Variants in TMEM178B observed in about 807,000 individuals in gnomAD.
TMEM178B encodes the protein transmembrane protein 178B.
In TMEM178B, 5 loss-of-function variants were observed where a neutral mutation model predicts 31.0. That is an observed-to-expected ratio of 0.16 (90% confidence interval 0.08 to 0.34). The LOEUF (loss-of-function observed/expected upper bound fraction) is 0.34, where lower values mean the gene tolerates loss of function less well. Among genes scored for constraint, TMEM178B ranks in the 10% least tolerant of loss-of-function variants. The probability of loss-of-function intolerance (pLI) is 1.00; values close to 1 mark genes in which losing one functional copy is unlikely to be tolerated. For missense variants in TMEM178B, 275 were observed against 400.3 expected (o/e 0.69, Z 2.67); for synonymous variants, 164 against 164.0 (o/e 1.00, Z 0.00).
chr7:141,338,468 G>C (rs1161305903), intron 2 of TMEM178B, among the ~76,000 whole-genome samples: 4 of 152,172 alleles, frequency 2.6e-5, no homozygotes, highest in Admixed American at 2.0e-4. Context: ...AAATAGTTAA[G>C]AATGAAAACG....
At chr7:141,386,578 T>C (rs1008672735) in intron 2 of TMEM178B, among the ~76,000 whole-genome samples, 4 of 152,188 alleles carry the variant, frequency 2.6e-5, no homozygotes, top group African/African-American at 9.7e-5. Flanking sequence ...ATTTAGTGTA[T>C]CCATTACCTC....
At chr7:141,212,816 G>A in intron 2 of TMEM178B, 112 bp downstream of exon 2, 1 of 833,892 alleles carries the variant, frequency 1.2e-6, no homozygotes, top group Non-Finnish European at 1.9e-6. Flanking sequence ...TCAGAACATT[G>A]AGATGGTTCC....
At chr7:141,296,008 A>G (rs1189471996) in intron 2 of TMEM178B, among the ~76,000 whole-genome samples, 1 of 152,092 alleles carries the variant, frequency 6.6e-6, no homozygotes, top group Non-Finnish European at 1.5e-5. Flanking sequence ...GTTTCCAAAG[A>G]TGCAGAAAAA....
chr7:141,151,139 A>C (rs1795966804), intron 1 of TMEM178B, among the ~76,000 whole-genome samples: 1 of 152,176 alleles, frequency 6.6e-6, no homozygotes, highest in South Asian at 2.1e-4. Flanking sequence ...TGGGACGAAC[A>C]CTCAAAATAC....
At chr7:141,208,256 C>T (rs1227726804) in intron 1 of TMEM178B, among the ~76,000 whole-genome samples, 1 of 152,092 alleles carries the variant, frequency 6.6e-6, no homozygotes, top group East Asian at 1.9e-4. Context: ...GGAGCCACCC[C>T]TGGGATCTCA....
At chr7:141,201,090 A>G (rs1388520877) in intron 1 of TMEM178B, among the ~76,000 whole-genome samples, 1 of 152,316 alleles carries the variant, frequency 6.6e-6, no homozygotes, top group East Asian at 1.9e-4. Flanking sequence ...AAAATGAGAA[A>G]GGACAACTTC....
chr7:141,195,822 C>T (rs545448617), intron 1 of TMEM178B, among the ~76,000 whole-genome samples: 121 of 152,284 alleles, frequency 7.9e-4, no homozygotes, highest in African/African-American at 2.9e-3. Context: ...AGAATCATAG[C>T]AGGAGGCGAA....
At chr7:141,415,707 C>T (rs899962038) in intron 2 of TMEM178B, among the ~76,000 whole-genome samples, 4 of 152,210 alleles carry the variant, frequency 2.6e-5, no homozygotes, top group Non-Finnish European at 4.4e-5. Context: ...AGACAGATTG[C>T]GAGGATGGTG....
At chr7:141,309,783 A>C (rs527568198) in intron 2 of TMEM178B, among the ~76,000 whole-genome samples, 3 of 152,222 alleles carry the variant, frequency 2.0e-5, no homozygotes, top group African/African-American at 7.2e-5. Flanking sequence ...TCTTGTCTGC[A>C]TCATGCCTTT....
chr7:141,105,825 T>C (rs1349284435), intron 1 of TMEM178B, among the ~76,000 whole-genome samples: 2 of 152,044 alleles, frequency 1.3e-5, no homozygotes, highest in Admixed American at 1.3e-4. Flanking sequence ...CCAGGCATGG[T>C]GGCTCATGCC....
chr7:141,099,071 G>C (rs1795011000), intron 1 of TMEM178B, among the ~76,000 whole-genome samples: 1 of 152,094 alleles, frequency 6.6e-6, no homozygotes, highest in Non-Finnish European at 1.5e-5. Flanking sequence ...TATCAACCAG[G>C]GCAGAATGGA....
At chr7:141,307,315 C>G (rs6464445) in intron 2 of TMEM178B, among the ~76,000 whole-genome samples, 4,580 of 152,308 alleles carry the variant, frequency 0.03, 253 homozygotes, top group African/African-American at 0.1. Flanking sequence ...GATTAACTAT[C>G]ACTTTTGTAA....
chr7:141,226,863 AAAAAAAAAAAAG>A (rs950946959), intron 2 of TMEM178B, among the ~76,000 whole-genome samples: 44 of 101,862 alleles, frequency 4.3e-4, no homozygotes, highest in African/African-American at 1.7e-3. Context: ...CACTCTGAAA[AAAAAAAAAAAAG>A]AAAAAGAAAA....
In TMEM178B at chr7:141,194,423, A is replaced by T. The variant is rs139351390; in HGVS notation, c.383-18168A>T. Reference sequence around the variant, plus strand: ...AAAACAAGGGCTACAGGGTCCACCCAAGTCTGAAATCCAGCAGGGCAGTCA... The same window carrying T: ...AAAACAAGGGCTACAGGGTCCACCCTAGTCTGAAATCCAGCAGGGCAGTCA... On this transcript the variant is annotated intron_variant, in intron 1 of 3. Coordinates refer to ENST00000565468, the MANE Select transcript of TMEM178B (RefSeq NM_001195278.2). 7.4e-3 allele frequency among the ~76,000 whole-genome samples: 1,123 copies of T among 152,332 alleles called. 19 individuals carry two copies. Among genetic ancestry groups the T allele is most frequent in the African/African-American group, 0.026 (1,062 of 41,572 alleles).
chr7:141,301,748 T>C (rs1798730602), intron 2 of TMEM178B, among the ~76,000 whole-genome samples: 1 of 152,208 alleles, frequency 6.6e-6, no homozygotes, highest in Non-Finnish European at 1.5e-5. Flanking sequence ...TGTTCCCAGA[T>C]GTCCTCCAAA....
chr7:141,285,149 TGTTTC>T (rs1798425434), intron 2 of TMEM178B, among the ~76,000 whole-genome samples: 1 of 126,160 alleles, frequency 7.9e-6, no homozygotes, highest in Non-Finnish European at 1.7e-5. Flanking sequence ...TCAGGATTCT[TGTTTC>T]TTTTTTTTTT....
At chr7:141,356,185 T>C (rs1799815285) in intron 2 of TMEM178B, among the ~76,000 whole-genome samples, 2 of 152,240 alleles carry the variant, frequency 1.3e-5, no homozygotes, top group South Asian at 2.1e-4. Flanking sequence ...AACATACAAA[T>C]GCATGTATTT....
At chr7:141,491,430 G>GCT in the TMEM178B span, among the ~76,000 whole-genome samples, 1 of 151,980 alleles carries the variant, frequency 6.6e-6, no homozygotes, top group Non-Finnish European at 1.5e-5. Context: ...CCTTTTATTT[G>GCT]CTCTCTCTAG....
intron 2 of TMEM178B, among the ~76,000 whole-genome samples, chr7:141,332,793 G>A (rs1202979677): frequency 1.3e-5 from 2 of 152,176 alleles, no homozygotes; most frequent in South Asian, 2.1e-4. Context: ...GGTTTCTTTA[G>A]TGTTTCCCCA....
Sources: allele counts gnomAD v4.1 joint callset (sites outside exome capture counted in the v4.1 genomes callset), GRCh38; gene constraint gnomAD v4.1.1; transcripts MANE v1.5; gene names NCBI Gene and HGNC (gene_info 2026-07-23, HGNC 2026-07-21).